Variants in RRBP1 observed in about 807,000 individuals in gnomAD.
The protein encoded by RRBP1 is ribosome binding protein 1, also known as ribosome-binding protein 1.
In RRBP1, 94 loss-of-function variants were observed where a neutral mutation model predicts 165.2. That is an observed-to-expected ratio of 0.57 (90% confidence interval 0.48 to 0.68). The LOEUF (loss-of-function observed/expected upper bound fraction) is 0.68, where lower values mean the gene tolerates loss of function less well. RRBP1 is among the 30% of genes least tolerant of loss of function. The probability of loss-of-function intolerance (pLI) is 0.00; values close to 1 mark genes in which losing one functional copy is unlikely to be tolerated. For synonymous variants in RRBP1, 680 were observed against 714.5 expected (o/e 0.95, Z 0.77); for missense variants, 1,676 against 1,763.0 (o/e 0.95, Z 0.88).
In RRBP1 at chr20:17,660,150, G is replaced by A. The variant is rs759224112; in HGVS notation, c.358C>T (p.Pro120Ser). 3.1e-6 allele frequency: 5 copies of A among 1,614,150 alleles called. No homozygotes were observed. In the Admixed American group the frequency reaches 8.3e-5, roughly 27 times the overall value. Residue 120 changes from proline (P) to serine (S), a missense_variant, in exon 3 of 25, where the codon CCT becomes TCT. Coordinates refer to ENST00000377813, the MANE Select transcript of RRBP1 (RefSeq NM_001365613.2). The part of the protein sequence containing the change: ...TPVQPPIIVA[P>S]VATVPAMPQE... Reference sequence around the variant, plus strand: ...GGCATGGCTGGAACTGTGGCGACAGGAGCAACGATAATGGGGGGCTGCACT... The same window carrying A: ...GGCATGGCTGGAACTGTGGCGACAGAAGCAACGATAATGGGGGGCTGCACT...
rs774659423 is a variant in RRBP1 at position 17,658,764 on chromosome 20, C to CAGAA, written c.1743_1744insTTCT (p.Gly582PhefsTer18). 1.9e-6 allele frequency: 3 copies of CAGAA among 1,612,414 alleles called. No individual in the cohort carries two copies. Among genetic ancestry groups the CAGAA allele is most frequent in the Non-Finnish European group, 2.5e-6 (3 of 1,178,684 alleles). ...GCCTTTTTGCCTTGGTTGGGGGACC[C>CAGAA]TTCTGCCTTTTTGCCTTCACTGGGG... On this transcript the variant is annotated frameshift_variant, in exon 3 of 25. Transcript: ENST00000377813. LOFTEE classifies it high-confidence loss of function.
At chr20:17,637,544 G>C (rs2036270420) in intron 5 of RRBP1, among the ~76,000 whole-genome samples, 1 of 152,204 alleles carries the variant, frequency 6.6e-6, no homozygotes, top group Non-Finnish European at 1.5e-5. Context: ...TGAGTGACCA[G>C]GGCACAAGCG....
rs904288819 is a variant in RRBP1 at position 17,643,917 on chromosome 20, C to A, written c.1913-790G>T. ...TCTCATTGGGGCTTGAATGCAGCCT[C>A]GGAAGCAAGAAAGGGTGAACCAAGA... On this transcript the variant is annotated intron_variant, in intron 3 of 24. Coordinates refer to ENST00000377813, the MANE Select transcript of RRBP1 (RefSeq NM_001365613.2). This position sits in a 1 kb window ranked among gnomAD's most constrained non-coding sequence, Gnocchi z 4.3. 6.6e-6 allele frequency among the ~76,000 whole-genome samples: 1 copy of A among 152,098 alleles called. No individual in the cohort carries two copies. The highest frequency in any genetic ancestry group is 6.5e-5 in the Admixed American group (1 of 15,270).
In RRBP1 at chr20:17,643,220, C is replaced by T. The variant is rs2036400195; in HGVS notation, c.1913-93G>A. The T allele has an allele frequency of 7.3e-7, 1 of 1,369,650 alleles. No individual in the cohort carries two copies. The allele number at this position is 1,369,650 out of a possible 1,614,324, so 84.8% of individuals were successfully genotyped here. On this transcript the variant is annotated intron_variant, in intron 3 of 24. Transcript: ENST00000377813. The surrounding 1 kb of genome is among the most constrained non-coding windows in gnomAD (Gnocchi z 4.3). ...CATCACACCAAGAAGGTTCTGGTCA[C>T]AGCCACGAAGAGCTCTCTGACTGCT...
At chr20:17,616,514 C>G (rs1274301464) in intron 21 of RRBP1, among the ~76,000 whole-genome samples, 1 of 152,164 alleles carries the variant, frequency 6.6e-6, no homozygotes, top group Non-Finnish European at 1.5e-5. Context: ...AGTCCCACCT[C>G]CCCCCAACTC....
chr20:17,622,863 T>TG (rs1234446855), intron 13 of RRBP1: 1 of 152,150 alleles, frequency 6.6e-6, no homozygotes, highest in Non-Finnish European at 1.5e-5. Flanking sequence ...TCAGAGCTGA[T>TG]GGAGTGTTAA....
intron 16 of RRBP1, 47 bp from the exon 17 acceptor site, chr20:17,620,854 C>A (rs1190494552): frequency 7.2e-7 from 1 of 1,391,082 alleles, no homozygotes; most frequent in South Asian, 1.2e-5. Flanking sequence ...TCCCGAGACC[C>A]GCACCACACA....
chr20:17,650,270 G>A (rs919247390), intron 3 of RRBP1, among the ~76,000 whole-genome samples: 2 of 152,146 alleles, frequency 1.3e-5, no homozygotes, highest in African/African-American at 4.8e-5. Flanking sequence ...TTTCCCACAT[G>A]GACTTATCTG....
intron 2 of RRBP1, among the ~76,000 whole-genome samples, chr20:17,665,562 G>A (rs1273378492): frequency 6.6e-5 from 10 of 152,036 alleles, no homozygotes; most frequent in East Asian, 1.9e-4. Context: ...TAGTAGAGAC[G>A]GGGTTTCACC....
chr20:17,614,246 G>C (rs780249889), intron 24 of RRBP1, 26 bp from the exon 25 acceptor site: 2 of 1,610,582 alleles, frequency 1.2e-6, no homozygotes, highest in South Asian at 2.2e-5. Flanking sequence ...GGTGGCGTGA[G>C]GGGGGCTGGG....
At chr20:17,640,930 C>CA (rs1368184958) in intron 5 of RRBP1, among the ~76,000 whole-genome samples, 1 of 152,242 alleles carries the variant, frequency 6.6e-6, no homozygotes, top group African/African-American at 2.4e-5. Flanking sequence ...GTCCACCATC[C>CA]AGGCCCTCCC....
chr20:17,653,650 A>G (rs530865021), intron 3 of RRBP1, among the ~76,000 whole-genome samples: 1 of 152,282 alleles, frequency 6.6e-6, no homozygotes, highest in Non-Finnish European at 1.5e-5. Context: ...AGCTGCCAAC[A>G]TGGTGAAACC....
rs532503600 is a variant in RRBP1 at position 17,629,475 on chromosome 20, G to A, written c.2749+348C>T. On this transcript the variant is annotated intron_variant, in intron 9 of 24. Coordinates refer to ENST00000377813, the MANE Select transcript of RRBP1 (RefSeq NM_001365613.2). ...TCCCTGGTTCATCCACAGCCACTGCGGACCCAGGCTTGGGAGGGAAGCAGT... is the reference window on the plus strand; with the variant it reads ...TCCCTGGTTCATCCACAGCCACTGCAGACCCAGGCTTGGGAGGGAAGCAGT... Among the ~76,000 whole-genome samples the A allele has an allele frequency of 3.7e-3, 557 of 152,174 alleles. 2 individuals are homozygous for A. The highest frequency in any genetic ancestry group is 5.7e-3 in the Non-Finnish European group (389 of 68,006).
intron 2 of RRBP1, among the ~76,000 whole-genome samples, chr20:17,678,307 T>C (rs928016450): frequency 2.6e-5 from 4 of 152,216 alleles, no homozygotes; most frequent in African/African-American, 7.2e-5. Flanking sequence ...CTACCTAATA[T>C]CAATTTATTT....
Position 17,614,091 on chromosome 20 carries a change from T to A in RRBP1, c.*91A>T. ...GGAGCTACCGGAAGTTGGGCCTGGA[T>A]AACGCTGTGTAGGTTGGTTGGTTTA... On this transcript the variant is annotated 3_prime_UTR_variant, in exon 25 of 25. Transcript: ENST00000377813. 1 of 1,323,390 alleles carries A rather than the reference T, an allele frequency of 7.6e-7. No individual in the cohort carries two copies. Among genetic ancestry groups the A allele is most frequent in the South Asian group, 1.2e-5 (1 of 84,512 alleles). 82.0% of individuals were successfully genotyped at this position (1,323,390 alleles called of 1,614,324 possible). A position where few individuals can be genotyped will look rare whatever the true frequency, so the allele number is the denominator to read the frequency against.
At chr20:17,618,922 T>C (rs1243714854) in intron 19 of RRBP1, 2 of 499,442 alleles carry the variant, frequency 4.0e-6, no homozygotes, top group South Asian at 2.5e-5. Context: ...AAATGTTTAC[T>C]GATTATCTCT....
chr20:17,667,277 G>A (rs1426466926), intron 2 of RRBP1, among the ~76,000 whole-genome samples: 2 of 152,156 alleles, frequency 1.3e-5, no homozygotes, highest in Non-Finnish European at 2.9e-5. Context: ...TGGCTAGAGT[G>A]CTGATTTTTA....
intron 3 of RRBP1, among the ~76,000 whole-genome samples, chr20:17,645,577 T>A (rs978376706): frequency 3.3e-5 from 5 of 152,176 alleles, no homozygotes; most frequent in Non-Finnish European, 7.3e-5. Context: ...AACTCTGCTG[T>A]CTCAATTGTC....
At chr20:17,617,551 G>A (rs1201139783) in intron 20 of RRBP1, among the ~76,000 whole-genome samples, 1 of 152,252 alleles carries the variant, frequency 6.6e-6, no homozygotes, top group Non-Finnish European at 1.5e-5. Flanking sequence ...ACAGCTGGAA[G>A]ACAACAGAAA....
Sources: allele counts gnomAD v4.1 joint callset (sites outside exome capture counted in the v4.1 genomes callset), GRCh38; gene constraint gnomAD v4.1.1; non-coding constraint Gnocchi (gnomAD v3.1); transcripts MANE v1.5; gene names NCBI Gene and HGNC (gene_info 2026-07-23, HGNC 2026-07-21).